The following ADAM22 variants were observed in gnomAD, a reference collection of about 807,000 sequenced individuals.
The protein encoded by ADAM22 is ADAM metallopeptidase domain 22.
Under a neutral mutation model 144.6 loss-of-function variants are expected in ADAM22, and 65 were observed. The observed-to-expected ratio is 0.45, with a 90% CI of 0.37 to 0.55. ADAM22 has a LOEUF of 0.55. ADAM22 is among the 20% of genes least tolerant of loss of function. ADAM22 has a pLI of 0.00. For synonymous variants in ADAM22, 391 were observed against 412.6 expected (o/e 0.95, Z 0.63); for missense variants, 974 against 1,184.9 (o/e 0.82, Z 2.61).
chr7:88,018,253 A>C (rs1796985609), intron 3 of ADAM22, among the ~76,000 whole-genome samples: 1 of 152,154 alleles, frequency 6.6e-6, no homozygotes, highest in Admixed American at 6.6e-5. Context: ...TAAAAGGTCC[A>C]GATGTAGCAC....
intron 2 of ADAM22, among the ~76,000 whole-genome samples, chr7:87,952,156 T>A (rs1452499101): frequency 2.0e-5 from 3 of 152,040 alleles, no homozygotes; most frequent in African/African-American, 4.8e-5. Flanking sequence ...CTAATTGCCC[T>A]GGCCAGAACT....
chr7:87,982,068 T>TATATATATATATATATATACACACACAC (rs1244517564), intron 3 of ADAM22, among the ~76,000 whole-genome samples: 1 of 93,742 alleles, frequency 1.1e-5, no homozygotes, highest in East Asian at 3.8e-4. Context: ...TATATATATA[T>TATATATATATATATATATACACACACAC]ACACACACAC....
chr7:88,147,086 C>G (rs1284609695), intron 17 of ADAM22, among the ~76,000 whole-genome samples: 1 of 152,106 alleles, frequency 6.6e-6, no homozygotes, highest in Non-Finnish European at 1.5e-5. Context: ...AACTAGGCTC[C>G]CTGTGATATA....
At chr7:87,939,879 G>A (rs959647624) in intron 2 of ADAM22, among the ~76,000 whole-genome samples, 6 of 152,102 alleles carry the variant, frequency 3.9e-5, no homozygotes, top group African/African-American at 1.4e-4. Context: ...CCTAATTCAG[G>A]AATTACTTTT....
intron 4 of ADAM22, among the ~76,000 whole-genome samples, chr7:88,077,356 T>C (rs1814873419): frequency 1.3e-5 from 2 of 152,144 alleles, no homozygotes; most frequent in Non-Finnish European, 2.9e-5. Flanking sequence ...AATGCTATAA[T>C]GAGGGTCGGG....
chr7:88,196,741 G>A lies in ADAM22; in HGVS notation c.*250G>A. The A allele has an allele frequency of 1.9e-6, 1 of 524,560 alleles. No individual in the cohort carries two copies. The highest frequency in any genetic ancestry group is 3.4e-6 in the Non-Finnish European group (1 of 291,068). 32.5% of individuals were successfully genotyped at this position (524,560 alleles called of 1,614,324 possible). A position where few individuals can be genotyped will look rare whatever the true frequency, so the allele number is the denominator to read the frequency against. On this transcript the variant is annotated 3_prime_UTR_variant, in exon 32 of 32. Transcript: ENST00000413139. The stretch of plus-strand genomic sequence containing the variant: ...TATAACATGGAACAATAAAGGTACT[G>A]GTATGTTAATGGATAATCCGCATGA...
At chr7:88,080,878 C>A (rs1479289459) in intron 4 of ADAM22, among the ~76,000 whole-genome samples, 1 of 152,042 alleles carries the variant, frequency 6.6e-6, no homozygotes, top group Non-Finnish European at 1.5e-5. Flanking sequence ...AAGTCCAGGA[C>A]CAGATGGATT....
intron 3 of ADAM22, among the ~76,000 whole-genome samples, chr7:87,982,064 T>TACACACACACAC (rs1250869235): frequency 1.0e-4 from 8 of 79,308 alleles, no homozygotes; most frequent in African/African-American, 4.9e-4. Flanking sequence ...TATATATATA[T>TACACACACACAC]ATATACACAC....
chr7:87,968,443 T>C (rs1849656859), intron 2 of ADAM22, among the ~76,000 whole-genome samples: 1 of 152,016 alleles, frequency 6.6e-6, no homozygotes, highest in African/African-American at 2.4e-5. Context: ...GAGACTGAGG[T>C]AGGAGAATTG....
intron 3 of ADAM22, among the ~76,000 whole-genome samples, chr7:88,045,411 G>A (rs1460444500): frequency 6.6e-6 from 1 of 151,824 alleles, no homozygotes; most frequent in Non-Finnish European, 1.5e-5. Context: ...TTCCCACCCA[G>A]CTTTATTAAG....
At chr7:88,193,471 TTTAA>T (rs891038080) in intron 31 of ADAM22, among the ~76,000 whole-genome samples, 1 of 152,218 alleles carries the variant, frequency 6.6e-6, no homozygotes, top group Admixed American at 6.5e-5. Context: ...TTGCTATATA[TTTAA>T]TTATTGTAGC....
chr7:88,009,058 T>C (rs1246224100), intron 3 of ADAM22, among the ~76,000 whole-genome samples: 3 of 152,194 alleles, frequency 2.0e-5, no homozygotes, highest in African/African-American at 4.8e-5. Context: ...CACCCTGTTA[T>C]TAGTAATGCA....
chr7:88,074,128 CAA>C (rs1052822367), intron 3 of ADAM22, among the ~76,000 whole-genome samples: 2 of 152,084 alleles, frequency 1.3e-5, no homozygotes, highest in Non-Finnish European at 2.9e-5. Context: ...CCTCCCAAGA[CAA>C]AGAATTATCT....
intron 2 of ADAM22, among the ~76,000 whole-genome samples, chr7:87,946,366 C>G (rs541716344): frequency 6.6e-6 from 1 of 152,306 alleles, no homozygotes; most frequent in South Asian, 2.1e-4. Context: ...TGTGCAGAAG[C>G]TCTTGAGTTT....
chr7:88,174,734 A>G (rs996275214), intron 26 of ADAM22, among the ~76,000 whole-genome samples: 5 of 152,150 alleles, frequency 3.3e-5, no homozygotes, highest in Non-Finnish European at 5.9e-5. Context: ...TGAGAAATAT[A>G]AAAAATAATT....
intron 3 of ADAM22, among the ~76,000 whole-genome samples, chr7:88,006,903 G>A (rs1794020509): frequency 6.7e-6 from 1 of 150,194 alleles, no homozygotes; most frequent in Admixed American, 6.7e-5. Flanking sequence ...TCTGGCCAGG[G>A]CAATTAGGCA....
chr7:88,115,218 A>G lies in ADAM22; in HGVS notation c.537+571A>G, dbSNP rs984168505. Among the ~76,000 whole-genome samples the G allele has an allele frequency of 2.0e-5, 3 of 152,146 alleles. No homozygotes were observed. In the South Asian group the frequency reaches 6.2e-4, roughly 32 times the overall value. On this transcript the variant is annotated intron_variant, in intron 6 of 31. Transcript: ENST00000413139. ...GTGACAGAATGAGACTCCGTCTCCA[A>G]AACAAACAAACAAACAAACAAAAAA... is the stretch of plus-strand genomic sequence containing the variant.
chr7:87,939,137 G>A (rs898995417), intron 2 of ADAM22, among the ~76,000 whole-genome samples: 1 of 152,158 alleles, frequency 6.6e-6, no homozygotes, highest in Non-Finnish European at 1.5e-5. Flanking sequence ...AGCGGAGGCA[G>A]AGAAGGCTAG....
chr7:88,068,945 A>G (rs960670829), intron 3 of ADAM22, among the ~76,000 whole-genome samples: 1 of 152,148 alleles, frequency 6.6e-6, no homozygotes, highest in Non-Finnish European at 1.5e-5. Context: ...TCTAAATATC[A>G]TGTTGAAATT....
Sources: allele counts gnomAD v4.1 joint callset (sites outside exome capture counted in the v4.1 genomes callset), GRCh38; gene constraint gnomAD v4.1.1; transcripts MANE v1.5; gene names NCBI Gene and HGNC (gene_info 2026-07-23, HGNC 2026-07-21).